CCSER1: variants seen among roughly 807,000 people sequenced by gnomAD.
CCSER1 encodes the protein serine-rich coiled-coil domain-containing protein 1.
A neutral mutation model predicts 82.0 loss-of-function variants in CCSER1; 41 were observed. The observed-to-expected ratio is 0.50, with a 90% CI of 0.39 to 0.65. The LOEUF (loss-of-function observed/expected upper bound fraction) is 0.65, where lower values mean the gene tolerates loss of function less well. Among genes scored for constraint, CCSER1 ranks in the 30% least tolerant of loss-of-function variants. CCSER1 has a pLI of 0.00. For synonymous variants in CCSER1, 414 were observed against 383.9 expected, an observed-to-expected ratio of 1.08 and a Z score of -0.92; for missense variants, 1,119 against 1,064.2, an observed-to-expected ratio of 1.05 and a Z score of -0.72.
intron 8 of CCSER1, among the ~76,000 whole-genome samples, chr4:90,835,588 T>C (rs563298744): frequency 6.6e-6 from 1 of 152,306 alleles, no homozygotes; most frequent in African/African-American, 2.4e-5. Flanking sequence ...ATTTGCCCCC[T>C]GAGCATATTT....
intron 3 of CCSER1, among the ~76,000 whole-genome samples, chr4:90,378,476 G>C (rs898880232): frequency 4.6e-5 from 7 of 152,256 alleles, no homozygotes; most frequent in African/African-American, 1.4e-4. Flanking sequence ...TCACTATGCT[G>C]TACTTATACT....
At chr4:90,693,999 A>G (rs948912636) in intron 6 of CCSER1, among the ~76,000 whole-genome samples, 6 of 151,978 alleles carry the variant, frequency 3.9e-5, no homozygotes, top group African/African-American at 1.4e-4. Flanking sequence ...AAGAGCAAAC[A>G]CATGTTTAAA....
intron 8 of CCSER1, among the ~76,000 whole-genome samples, chr4:90,837,922 A>C (rs1762011186): frequency 6.6e-6 from 1 of 152,192 alleles, no homozygotes; most frequent in Non-Finnish European, 1.5e-5. Context: ...GATAAATCCC[A>C]GTAATGATAT....
At chr4:90,913,393 G>A (rs1369847195) in intron 8 of CCSER1, among the ~76,000 whole-genome samples, 2 of 152,112 alleles carry the variant, frequency 1.3e-5, no homozygotes, top group Admixed American at 6.6e-5. Context: ...GCCAAAATAA[G>A]CTTCATAAGT....
chr4:91,243,594 G>C (rs1739540888), intron 10 of CCSER1, among the ~76,000 whole-genome samples: 1 of 152,170 alleles, frequency 6.6e-6, no homozygotes, highest in Admixed American at 6.5e-5. Flanking sequence ...GTAGGACGGG[G>C]CACTGGGTAG....
intron 1 of CCSER1, among the ~76,000 whole-genome samples, chr4:90,211,858 T>TG (rs1390622382): frequency 5.9e-5 from 9 of 152,204 alleles, no homozygotes; most frequent in African/African-American, 1.9e-4. Flanking sequence ...AGCACATCTG[T>TG]AGGCAGAATA....
At chr4:91,454,488 C>G (rs987888260) in intron 10 of CCSER1, among the ~76,000 whole-genome samples, 13 of 151,956 alleles carry the variant, frequency 8.6e-5, no homozygotes, top group Non-Finnish European at 1.3e-4. Context: ...CTGGATAATC[C>G]AGGATAATCT....
rs140637364 is a variant in CCSER1, at chr4:90,293,176, A to G, written c.-41-15068A>G. The stretch of plus-strand genomic sequence containing the variant: ...ACAAAGCAGTACAGTTTTATTTTAG[A>G]CATATGTTCATGATGTTTCAAAAAC... On this transcript the variant is annotated intron_variant, in intron 1 of 10. Transcript: ENST00000509176. Among the ~76,000 whole-genome samples, 1,189 of 151,150 alleles carry G rather than the reference A, an allele frequency of 7.9e-3. 6 individuals are homozygous for G. The highest frequency in any genetic ancestry group is 0.012 in the Non-Finnish European group (819 of 67,738).
intron 10 of CCSER1, among the ~76,000 whole-genome samples, chr4:91,291,710 T>C (rs1486340613): frequency 6.6e-6 from 1 of 151,894 alleles, no homozygotes; most frequent in Non-Finnish European, 1.5e-5. Flanking sequence ...TTCAGTCCCC[T>C]CCCACCAGGC....
chr4:91,035,903 A>G (rs574625120), intron 9 of CCSER1, among the ~76,000 whole-genome samples: 2 of 152,340 alleles, frequency 1.3e-5, no homozygotes, highest in East Asian at 1.9e-4. Context: ...CAACCTTTGT[A>G]TGTTTTCTTG....
At chr4:91,042,312 C>T (rs979297694) in intron 9 of CCSER1, among the ~76,000 whole-genome samples, 2 of 152,144 alleles carry the variant, frequency 1.3e-5, no homozygotes, top group Admixed American at 1.3e-4. Context: ...GAAGGAGGTG[C>T]CTTCATTCCC....
At chr4:90,567,802 T>C (rs1012987002) in intron 5 of CCSER1, among the ~76,000 whole-genome samples, 10 of 151,916 alleles carry the variant, frequency 6.6e-5, no homozygotes, top group Admixed American at 6.6e-4. Context: ...AGACAGAGTT[T>C]TACTATGCTG....
At chr4:90,866,524 C>G (rs957030059) in intron 8 of CCSER1, among the ~76,000 whole-genome samples, 1 of 151,968 alleles carries the variant, frequency 6.6e-6, no homozygotes, top group Non-Finnish European at 1.5e-5. Context: ...TTTCACATAT[C>G]CTTTATTTTT....
chr4:90,484,486 T>G (rs1311936971), intron 5 of CCSER1, among the ~76,000 whole-genome samples: 1 of 152,192 alleles, frequency 6.6e-6, no homozygotes, highest in African/African-American at 2.4e-5. Context: ...CTCTGTTTTT[T>G]CCCCATCTTT....
chr4:90,226,464 A>G (rs557110803), intron 1 of CCSER1, among the ~76,000 whole-genome samples: 1 of 152,306 alleles, frequency 6.6e-6, no homozygotes, highest in East Asian at 1.9e-4. Flanking sequence ...AAAGAAATTT[A>G]AGGGATATGG....
chr4:90,832,546 C>A (rs1254501630), intron 8 of CCSER1, among the ~76,000 whole-genome samples: 1 of 151,688 alleles, frequency 6.6e-6, no homozygotes, highest in Non-Finnish European at 1.5e-5. Flanking sequence ...CAATGTGCAC[C>A]ATCTTTGAGA....
rs546533422 is a variant in CCSER1, at chr4:90,169,243, G to T, written c.-42+41412G>T. Reference sequence around the variant, plus strand: ...ATTTTATTCTCTTTGAAGCAATTGTGAATGGGAGTTCACTCATGATTTGGC... The same window carrying T: ...ATTTTATTCTCTTTGAAGCAATTGTTAATGGGAGTTCACTCATGATTTGGC... On this transcript the variant is annotated intron_variant, in intron 1 of 10. Coordinates refer to ENST00000509176, the MANE Select transcript of CCSER1 (RefSeq NM_001145065.2). 2.2e-4 allele frequency among the ~76,000 whole-genome samples: 34 copies of T among 152,164 alleles called. 1 individual carries two copies. The highest frequency in any genetic ancestry group is 1.3e-3 in the Admixed American group (20 of 15,278).
At chr4:90,825,682 G>C (rs541669059) in intron 8 of CCSER1, among the ~76,000 whole-genome samples, 1 of 151,346 alleles carries the variant, frequency 6.6e-6, no homozygotes, top group South Asian at 2.1e-4. Context: ...CCTCCTCTGG[G>C]CATGGCAAAA....
chr4:90,589,916 A>G (rs984322177), intron 5 of CCSER1, among the ~76,000 whole-genome samples: 4 of 152,214 alleles, frequency 2.6e-5, no homozygotes, highest in African/African-American at 9.6e-5. Flanking sequence ...GATCACTGGA[A>G]TATCTACATT....
Sources: allele counts gnomAD v4.1 joint callset (sites outside exome capture counted in the v4.1 genomes callset), GRCh38; gene constraint gnomAD v4.1.1; transcripts MANE v1.5; gene names NCBI Gene and HGNC (gene_info 2026-07-23, HGNC 2026-07-21).